Variants in ZBTB38 observed in about 807,000 individuals in gnomAD.
ZBTB38 encodes zinc finger and BTB domain-containing protein 38.
A neutral mutation model predicts 76.8 loss-of-function variants in ZBTB38; 20 were observed. That is an observed-to-expected ratio of 0.26 (90% CI 0.18 to 0.38). The LOEUF (loss-of-function observed/expected upper bound fraction) is 0.38. ZBTB38 is among the 10% of genes least tolerant of loss of function. ZBTB38 has a pLI of 1.00. For missense variants in ZBTB38, 1,082 were observed against 1,482.3 expected, an observed-to-expected ratio of 0.73 and a Z score of 4.43; for synonymous variants, 504 against 544.2, an observed-to-expected ratio of 0.93 and a Z score of 1.03.
intron 4 of ZBTB38, chr3:141,402,597 G>A (rs1357686088): frequency 6.6e-6 from 1 of 151,426 alleles, no homozygotes; most frequent in Admixed American, 6.6e-5. Context: ...ACCCTCGCAA[G>A]GGTTGAGCTC....
intron 4 of ZBTB38, among the ~76,000 whole-genome samples, chr3:141,397,109 T>C (rs573995135): frequency 1.3e-5 from 2 of 152,256 alleles, no homozygotes; most frequent in Non-Finnish European, 2.9e-5. Context: ...TTTGTCTACA[T>C]AGGAAATCTG....
chr3:141,373,527 A>G (rs757257110), intron 2 of ZBTB38, among the ~76,000 whole-genome samples: 4 of 152,052 alleles, frequency 2.6e-5, no homozygotes, highest in Non-Finnish European at 5.9e-5. Context: ...ATGTTCTGTC[A>G]CTCTCCTTAG....
intron 1 of ZBTB38, among the ~76,000 whole-genome samples, chr3:141,343,219 G>T (rs1464014152): frequency 6.6e-6 from 1 of 152,146 alleles, no homozygotes; most frequent in Admixed American, 6.5e-5. Flanking sequence ...GGTAAAAGTG[G>T]TAATCCTTCC....
chr3:141,416,060 G>A (rs2073968498), intron 5 of ZBTB38, among the ~76,000 whole-genome samples: 1 of 152,146 alleles, frequency 6.6e-6, no homozygotes. Flanking sequence ...GGGAGGTGTA[G>A]CTGAACTTCT....
chr3:141,426,631 T>C (rs6802753), intron 5 of ZBTB38, among the ~76,000 whole-genome samples: 20,721 of 152,050 alleles, frequency 0.14, 2,415 homozygotes, highest in African/African-American at 0.31. Flanking sequence ...GCTAAGTCCT[T>C]TACAAACACC....
At chr3:141,393,996 T>C (rs138097031) in intron 4 of ZBTB38, among the ~76,000 whole-genome samples, 13 of 147,830 alleles carry the variant, frequency 8.8e-5, no homozygotes, top group African/African-American at 2.8e-4. Flanking sequence ...TTTCTTTTTT[T>C]TTTCTTTCTT....
chr3:141,338,835 A>G (rs996173394), intron 1 of ZBTB38, among the ~76,000 whole-genome samples: 7 of 152,166 alleles, frequency 4.6e-5, no homozygotes, highest in Admixed American at 6.5e-5. Context: ...AAAATAAAAC[A>G]AAGATGAGAT....
At chr3:141,406,913 C>T (rs559187369) in intron 5 of ZBTB38, among the ~76,000 whole-genome samples, 7 of 152,046 alleles carry the variant, frequency 4.6e-5, no homozygotes, top group Non-Finnish European at 1.0e-4. Context: ...GGTAATATGA[C>T]GTGTATGATG....
At chr3:141,387,210 C>G (rs1329697667) in intron 4 of ZBTB38, 1 of 151,964 alleles carries the variant, frequency 6.6e-6, no homozygotes. Context: ...TCATTTGCTT[C>G]TGGATGTTTG....
intron 1 of ZBTB38, among the ~76,000 whole-genome samples, chr3:141,338,001 A>G (rs1943064673): frequency 6.6e-6 from 1 of 152,242 alleles, no homozygotes; most frequent in Non-Finnish European, 1.5e-5. Context: ...AGAATACATC[A>G]GTAAACAAGG....
At chr3:141,431,592 C>G (rs988737621) in intron 5 of ZBTB38, 1 of 151,940 alleles carries the variant, frequency 6.6e-6, no homozygotes, top group Admixed American at 6.6e-5. Context: ...TCTTTCCAAA[C>G]AAGCAACCTA....
chr3:141,373,554 A>G (rs999870581), intron 2 of ZBTB38, among the ~76,000 whole-genome samples: 2 of 152,364 alleles, frequency 1.3e-5, no homozygotes, highest in Middle Eastern at 3.4e-3. Context: ...TTGCAGAAAT[A>G]CCACATCATA....
intron 4 of ZBTB38, among the ~76,000 whole-genome samples, chr3:141,391,274 A>AAG (rs1559932637): frequency 6.6e-6 from 1 of 152,202 alleles, no homozygotes; most frequent in Non-Finnish European, 1.5e-5. Context: ...CATTTAAGTG[A>AAG]AGATCGTGTG....
intron 4 of ZBTB38, among the ~76,000 whole-genome samples, chr3:141,398,864 A>C (rs1213026317): frequency 6.6e-6 from 1 of 152,240 alleles, no homozygotes; most frequent in Non-Finnish European, 1.5e-5. Context: ...ATCTTTTAAA[A>C]AACCAATTTA....
chr3:141,360,760 A>C lies in ZBTB38; in HGVS notation c.-738-7861A>C, dbSNP rs574203158. 3.2e-4 allele frequency among the ~76,000 whole-genome samples: 48 copies of C among 152,222 alleles called. 1 individual carries two copies. The South Asian group carries it at 9.1e-3, about 29-fold the overall frequency. On this transcript the variant is annotated intron_variant, in intron 1 of 7. Coordinates refer to the ZBTB38 transcript ENST00000509842. The stretch of plus-strand genomic sequence containing the variant: ...GTCGGGGGGCTGTCCTGTGTATTAT[A>C]GGATGTTTGGCAGCATCCCTGGCTT...
intron 5 of ZBTB38, among the ~76,000 whole-genome samples, chr3:141,410,136 G>A (rs141251888): frequency 0.01 from 1,557 of 152,244 alleles, 24 homozygotes; most frequent in African/African-American, 0.035. Flanking sequence ...GACAAGCAGG[G>A]GCAGGGACTC....
chr3:141,439,882 G>A (rs1437783816), intron 5 of ZBTB38, among the ~76,000 whole-genome samples: 3 of 152,186 alleles, frequency 2.0e-5, no homozygotes, highest in Non-Finnish European at 4.4e-5. Context: ...AGGGGAGAAA[G>A]GAGATCCTAC....
intron 5 of ZBTB38, chr3:141,432,167 C>T (rs2077762611): frequency 4.1e-6 from 4 of 985,490 alleles, no homozygotes; most frequent in Non-Finnish European, 2.4e-6. Flanking sequence ...AACAGACCTG[C>T]GCAGTAGATT....
At chr3:141,378,762 C>A (rs1046750482) in intron 2 of ZBTB38, among the ~76,000 whole-genome samples, 1 of 152,164 alleles carries the variant, frequency 6.6e-6, no homozygotes, top group African/African-American at 2.4e-5. Flanking sequence ...CAGCCCATCT[C>A]GGATGGAATC....
Sources: allele counts gnomAD v4.1 joint callset (sites outside exome capture counted in the v4.1 genomes callset), GRCh38; gene constraint gnomAD v4.1.1; transcripts MANE v1.5; gene names NCBI Gene and HGNC (gene_info 2026-07-23, HGNC 2026-07-21).